NLGN4Y: variants seen among roughly 807,000 people sequenced by gnomAD.
The protein encoded by NLGN4Y is neuroligin-4, Y-linked.
Under a neutral mutation model 8.4 loss-of-function variants are expected in NLGN4Y, and 4 were observed. The ratio of observed to expected loss-of-function variants is 0.48; its 90% confidence interval spans 0.23 to 1.09. The LOEUF (loss-of-function observed/expected upper bound fraction) is 1.09. Among genes scored for constraint, NLGN4Y ranks in the 50% least tolerant of loss-of-function variants. The pLI is 0.19. For synonymous variants in NLGN4Y, 35 were observed against 75.6 expected (o/e 0.46, Z 2.78); for missense variants, 90 against 192.3 (o/e 0.47, Z 3.15).
chrY:14,537,742 A>T, intron 1 of NLGN4Y, among the ~76,000 whole-genome samples: 1 of 33,200 alleles, frequency 3.0e-5, no homozygotes, highest in Non-Finnish European at 7.4e-5. Flanking sequence ...GAGGTCAGGT[A>T]TTCAGTCAGT....
intron 1 of NLGN4Y, among the ~76,000 whole-genome samples, chrY:14,576,164 T>C: frequency 2.9e-5 from 1 of 34,086 alleles, no homozygotes; most frequent in Non-Finnish European, 7.3e-5. Flanking sequence ...TGCCTTTTGT[T>C]TGGCTATGCC....
At chrY:14,633,307 C>T in intron 2 of NLGN4Y, among the ~76,000 whole-genome samples, 1 of 33,542 alleles carries the variant, frequency 3.0e-5, no homozygotes, top group Non-Finnish European at 7.3e-5. Context: ...ATTTTGGATA[C>T]TACTTTAGCC....
At chrY:14,703,567 TGTA>T (rs2080863470) in intron 2 of NLGN4Y, among the ~76,000 whole-genome samples, 1 of 33,652 alleles carries the variant, frequency 3.0e-5, no homozygotes, top group Non-Finnish European at 7.4e-5. Flanking sequence ...ACTGTAGCCT[TGTA>T]GTATAGTTTG....
At chrY:14,819,208 A>G in intron 4 of NLGN4Y, among the ~76,000 whole-genome samples, 1 of 33,269 alleles carries the variant, frequency 3.0e-5, no homozygotes, top group South Asian at 6.9e-4. Context: ...GTGGGGATCC[A>G]TATGGGTTAC....
chrY:14,705,031 G>A (rs2080871507), intron 2 of NLGN4Y, among the ~76,000 whole-genome samples: 2 of 32,170 alleles, frequency 6.2e-5, no homozygotes, highest in South Asian at 6.9e-4. Flanking sequence ...TTTTTATTGC[G>A]TTTATTTGTT....
intron 1 of NLGN4Y, among the ~76,000 whole-genome samples, chrY:14,532,164 C>T (rs781395358): frequency 2.6e-3 from 85 of 32,240 alleles, no homozygotes; most frequent in Middle Eastern, 0.014. Flanking sequence ...TCTCTCCCAC[C>T]GAGATGGATA....
At chrY:14,742,076 G>T in intron 4 of NLGN4Y, among the ~76,000 whole-genome samples, 2 of 33,703 alleles carry the variant, frequency 5.9e-5, no homozygotes, top group African/African-American at 2.3e-4. Flanking sequence ...CTAAACAAGA[G>T]AGCATTCCTG....
chrY:14,732,971 C>A (rs986839845), intron 4 of NLGN4Y, among the ~76,000 whole-genome samples: 6 of 33,313 alleles, frequency 1.8e-4, no homozygotes, highest in Non-Finnish European at 4.4e-4. Context: ...TCTTGAAACT[C>A]CAGGTAATGG....
chrY:14,760,620 T>C (rs2081077112), intron 4 of NLGN4Y, among the ~76,000 whole-genome samples: 1 of 34,037 alleles, frequency 2.9e-5, no homozygotes, highest in African/African-American at 1.1e-4. Context: ...TAATCTGTCA[T>C]AGATAAATCA....
intron 4 of NLGN4Y, among the ~76,000 whole-genome samples, chrY:14,776,898 T>C (rs2150575121): frequency 3.0e-5 from 1 of 33,443 alleles, no homozygotes; most frequent in East Asian, 7.8e-4. Context: ...GTTCTGATTA[T>C]TTTTCTGTCA....
chrY:14,772,948 C>T, intron 4 of NLGN4Y, among the ~76,000 whole-genome samples: 1 of 32,835 alleles, frequency 3.0e-5, no homozygotes, highest in Non-Finnish European at 7.5e-5. Flanking sequence ...TATGACAAAC[C>T]CACACCCAAT....
At chrY:14,771,784 T>A in intron 4 of NLGN4Y, among the ~76,000 whole-genome samples, 1 of 33,102 alleles carries the variant, frequency 3.0e-5, no homozygotes, top group Admixed American at 2.8e-4. Flanking sequence ...CTATCCGGTG[T>A]GCTATATTCA....
intron 3 of NLGN4Y, 24 bp downstream of exon 3, chrY:14,719,542 C>G: frequency 4.6e-6 from 1 of 216,367 alleles, no homozygotes; most frequent in Non-Finnish European, 7.1e-6. Flanking sequence ...TTTCAAAGCT[C>G]AACCCTGATG....
intron 1 of NLGN4Y, among the ~76,000 whole-genome samples, chrY:14,596,411 G>A: frequency 3.0e-5 from 1 of 33,719 alleles, no homozygotes; most frequent in Non-Finnish European, 7.3e-5. Context: ...GAAGAGAGGC[G>A]AGAGGAAGTT....
intron 2 of NLGN4Y, among the ~76,000 whole-genome samples, chrY:14,678,791 G>A: frequency 3.0e-5 from 1 of 33,454 alleles, no homozygotes; most frequent in Non-Finnish European, 7.4e-5. Context: ...CAGAAGTGAG[G>A]CTGCAAGCTT....
chrY:14,707,951 C>T lies in NLGN4Y; in HGVS notation c.473-11508C>T, dbSNP rs2080887739. 1.2e-4 allele frequency among the ~76,000 whole-genome samples: 4 copies of T among 33,041 alleles called. No homozygotes were observed. In the South Asian group the frequency reaches 2.7e-3, roughly 22 times the overall value. The allele number at this position is 33,041 out of a possible 37,273, so 88.6% of individuals were successfully genotyped here. On this transcript the variant is annotated intron_variant, in intron 2 of 6. Transcript: ENST00000684976. Reference sequence around the variant, plus strand: ...TGTTTCTCTCAGTGTTTTTCCTAACCTTAACCCTATTTCCTAACCCTATTT... The same window carrying T: ...TGTTTCTCTCAGTGTTTTTCCTAACTTTAACCCTATTTCCTAACCCTATTT...
intron 2 of NLGN4Y, among the ~76,000 whole-genome samples, chrY:14,701,394 A>T (rs986661572): frequency 6.0e-5 from 2 of 33,416 alleles, no homozygotes; most frequent in Non-Finnish European, 1.5e-4. Flanking sequence ...TGACTGAATA[A>T]ATTAGCATGA....
chrY:14,785,844 T>C, intron 4 of NLGN4Y, among the ~76,000 whole-genome samples: 1 of 29,062 alleles, frequency 3.4e-5, no homozygotes, highest in Non-Finnish European at 8.1e-5. Context: ...TTACACAATA[T>C]CGGAGAGAGT....
intron 2 of NLGN4Y, among the ~76,000 whole-genome samples, chrY:14,693,268 C>A: frequency 3.0e-5 from 1 of 32,933 alleles, no homozygotes; most frequent in Non-Finnish European, 7.5e-5. Context: ...TATGTGACAA[C>A]CTGAACTGTG....
Sources: allele counts gnomAD v4.1 joint callset (sites outside exome capture counted in the v4.1 genomes callset), GRCh38; gene constraint gnomAD v4.1.1; transcripts MANE v1.5; gene names NCBI Gene and HGNC (gene_info 2026-07-23, HGNC 2026-07-21).